The following KCNG1 variants were observed in gnomAD, a reference collection of about 807,000 sequenced individuals.
The protein encoded by KCNG1 is potassium voltage-gated channel modifier subfamily G member 1, also known as voltage-gated potassium channel regulatory subunit KCNG1.
In KCNG1, 17 loss-of-function variants were observed where a neutral mutation model predicts 32.4. That is an observed-to-expected ratio of 0.52 (90% CI 0.36 to 0.79). The LOEUF is 0.79. KCNG1 is among the 30% of genes least tolerant of loss of function. The pLI is 0.00. For synonymous variants in KCNG1, 358 were observed against 339.9 expected (o/e 1.05, Z -0.59); for missense variants, 441 against 735.2 (o/e 0.60, Z 4.63).
chr20:51,003,940 A>G lies in KCNG1; in HGVS notation c.*99T>C, dbSNP rs1221589582. The G allele has an allele frequency of 2.9e-6, 4 of 1,366,000 alleles. No individual in the cohort carries two copies. The highest frequency in any genetic ancestry group is 3.0e-6 in the Non-Finnish European group (3 of 994,940). 84.6% of individuals were successfully genotyped at this position (1,366,000 alleles called of 1,614,324 possible). A position where few individuals can be genotyped will look rare whatever the true frequency, so the allele number is the denominator to read the frequency against. The stretch of plus-strand genomic sequence containing the variant: ...GCGTGGGAGTCGGTGCTGCGCCAGG[A>G]CTGCACTCGGAAGCGGCCTGTCCCT... On this transcript the variant is annotated 3_prime_UTR_variant, in exon 3 of 3. Coordinates refer to ENST00000371571, the MANE Select transcript of KCNG1 (RefSeq NM_002237.4).
intron 1 of KCNG1, among the ~76,000 whole-genome samples, chr20:51,013,030 G>A (rs530411206): frequency 2.0e-5 from 3 of 151,380 alleles, no homozygotes; most frequent in Admixed American, 2.0e-4. Context: ...TCGACCGGGT[G>A]CGGTGGCTCA....
intron 2 of KCNG1, chr20:51,006,361 C>G (rs1236330495): frequency 2.0e-5 from 3 of 152,208 alleles, no homozygotes; most frequent in Non-Finnish European, 4.4e-5. Flanking sequence ...AAATCACGAT[C>G]AAAGATGTTG....
chr20:51,005,432 A>G lies in KCNG1; in HGVS notation c.775-626T>C, dbSNP rs1446656757. ...TGCTTAGCACCCTCCACGGCTCCCG[A>G]TGGACTGTGAGGAATAGTCTTGTTC... On this transcript the variant is annotated intron_variant, in intron 2 of 2. Coordinates refer to ENST00000371571, the MANE Select transcript of KCNG1 (RefSeq NM_002237.4). The surrounding 1 kb of genome is among the most constrained non-coding windows in gnomAD (Gnocchi z 4.0). 1 of 152,184 alleles carries G rather than the reference A, an allele frequency of 6.6e-6. No individual in the cohort carries two copies. The allele number at this position is 152,184 out of a possible 1,614,324, so 9.4% of individuals were successfully genotyped here.
intron 2 of KCNG1, chr20:51,007,373 A>T (rs1987869604): frequency 6.6e-6 from 1 of 151,998 alleles, no homozygotes. Context: ...TTTAGCAGAG[A>T]TGGGGTTTTG....
chr20:51,006,827 C>G (rs1987847899), intron 2 of KCNG1: 2 of 152,250 alleles, frequency 1.3e-5, no homozygotes. Context: ...CCACCGCACC[C>G]AGCCCCAATC....
chr20:51,017,828 G>A (rs1988334712), intron 1 of KCNG1, among the ~76,000 whole-genome samples: 2 of 152,180 alleles, frequency 1.3e-5, no homozygotes, highest in South Asian at 4.1e-4. Flanking sequence ...CAATCTCCTA[G>A]AGGCTCTGGA....
intron 1 of KCNG1, among the ~76,000 whole-genome samples, chr20:51,011,455 T>C (rs1465699206): frequency 6.6e-6 from 1 of 152,178 alleles, no homozygotes; most frequent in African/African-American, 2.4e-5. Flanking sequence ...GCATTTTTGC[T>C]GGTCATGACT....
intron 1 of KCNG1, among the ~76,000 whole-genome samples, chr20:51,018,831 C>A (rs1401703012): frequency 6.6e-6 from 1 of 152,202 alleles, no homozygotes. Flanking sequence ...ACCTCTTTGA[C>A]CCCTGCCTTT....
chr20:51,010,285 G>A lies in KCNG1; in HGVS notation c.54C>T (p.Cys18=). ...CCGGGTGGAAGGAGGCGTCCGAGGT[G>A]CAGCTCAGCGCGCTGTAGTCGTAGT... is the stretch of plus-strand genomic sequence containing the variant. The part of the protein sequence containing the change: ...NSDYDYSALS[C]TSDASFHPAF... The change falls in exon 2 of 3, where the codon TGC becomes TGT. Residue 18 remains cysteine (C), a synonymous_variant. Transcript: ENST00000371571. 2.6e-6 allele frequency: 4 copies of A among 1,518,278 alleles called. No individual in the cohort carries two copies. Among genetic ancestry groups the A allele is most frequent in the Non-Finnish European group, 3.5e-6 (4 of 1,143,432 alleles). 94.1% of individuals were successfully genotyped at this position (1,518,278 alleles called of 1,614,324 possible).
Position 51,009,709 on chromosome 20 carries a change from C to A in KCNG1, c.630G>T (p.Met210Ile). ...TCTCCACCATGTCGCGCAGTCGCCGCATGCAGCGCCCCAGGCGGCCCTCGC... is the reference window on the plus strand; with the variant it reads ...TCTCCACCATGTCGCGCAGTCGCCGAATGCAGCGCCCCAGGCGGCCCTCGC... ...AEGEGRLGRC[M>I]RRLRDMVERP... The change falls in exon 2 of 3, where the codon ATG becomes ATT. Residue 210 changes from methionine (M) to isoleucine (I), a missense_variant. Transcript: ENST00000371571. 3.1e-6 allele frequency: 5 copies of A among 1,604,432 alleles called. No individual in the cohort carries two copies. The highest frequency in any genetic ancestry group is 4.2e-6 in the Non-Finnish European group (5 of 1,178,164).
rs748151012 is a variant in KCNG1 at position 51,009,676 on chromosome 20, G to T, written c.663C>A (p.His221Gln). 1 of 1,605,648 alleles carries T rather than the reference G, an allele frequency of 6.2e-7. No homozygotes were observed. The highest frequency in any genetic ancestry group is 1.7e-5 in the Admixed American group (1 of 59,908). Residue 221 changes from histidine to glutamine, a missense_variant, in exon 2 of 3, where the codon CAC becomes CAA. Physicochemically the swap from His to Gln is conservative, Grantham distance 24. This residue lies in a region of KCNG1 where 169 missense variants were observed against 297.7 expected (regional missense o/e 0.57). Coordinates refer to ENST00000371571, the MANE Select transcript of KCNG1 (RefSeq NM_002237.4). ...CGAACACCTTGCCAGGCAGCCCCGA[G>T]TGCGGCCTCTCCACCATGTCGCGCA... Reference protein sequence around the residue: ...RRLRDMVERPHSGLPGKVFAC... With the variant: ...RRLRDMVERPQSGLPGKVFAC...
intron 1 of KCNG1, among the ~76,000 whole-genome samples, chr20:51,020,377 A>T (rs1350051850): frequency 6.6e-6 from 1 of 152,078 alleles, no homozygotes; most frequent in East Asian, 1.9e-4. Context: ...GGAGAGCATG[A>T]TCGGACCTGC....
chr20:51,005,826 G>A lies in KCNG1; in HGVS notation c.775-1020C>T, dbSNP rs1174292605. On this transcript the variant is annotated intron_variant, in intron 2 of 2. Transcript: ENST00000371571. This position sits in a 1 kb window ranked among gnomAD's most constrained non-coding sequence, Gnocchi z 4.0. ...AGCCTGGGGCATCTTGGAGGTTCTGGGGCACAGCTGAGTTCTACAAGTCCC... is the reference window on the plus strand; with the variant it reads ...AGCCTGGGGCATCTTGGAGGTTCTGAGGCACAGCTGAGTTCTACAAGTCCC... 1.3e-5 allele frequency: 2 copies of A among 152,252 alleles called. No homozygotes were observed. The highest frequency in any genetic ancestry group is 2.9e-5 in the Non-Finnish European group (2 of 68,102). The allele number at this position is 152,252 out of a possible 1,614,324, so 9.4% of individuals were successfully genotyped here. A position where few individuals can be genotyped will look rare whatever the true frequency, so the allele number is the denominator to read the frequency against.
At position 51,015,390 on chromosome 20, in the gene KCNG1, A is replaced by G. The variant is rs554226877; in HGVS notation, c.-26-5026T>C. 6.6e-6 allele frequency among the ~76,000 whole-genome samples: 1 copy of G among 152,290 alleles called. No homozygotes were observed. Among genetic ancestry groups the G allele is most frequent in the Admixed American group, 6.5e-5 (1 of 15,302 alleles). On this transcript the variant is annotated intron_variant, in intron 1 of 2. Coordinates refer to ENST00000371571, the MANE Select transcript of KCNG1 (RefSeq NM_002237.4). This position sits in a 1 kb window ranked among gnomAD's most constrained non-coding sequence, Gnocchi z 4.4. Reference sequence around the variant, plus strand: ...ACAGAAGAAGCAGCTGGCAAAATCCAGGAGAGAGGGGGGAGATGGGTGTCT... The same window carrying G: ...ACAGAAGAAGCAGCTGGCAAAATCCGGGAGAGAGGGGGGAGATGGGTGTCT...
rs1054268 is a variant in KCNG1, at chr20:51,004,246, G to T, written c.1335C>A (p.Ile445=). Residue 445 remains isoleucine (I), a synonymous_variant, in exon 3 of 3, where the codon ATC becomes ATA. Coordinates refer to ENST00000371571, the MANE Select transcript of KCNG1 (RefSeq NM_002237.4). This position sits in a 1 kb window ranked among gnomAD's most constrained non-coding sequence, Gnocchi z 4.3. ...TPGQVVALSS[I]LSGILLMAFP... ...AGGCCATGAGCAGGATGCCGCTCAGGATGCTGCTCAGGGCCACTACCTGGC... is the reference window on the plus strand; with the variant it reads ...AGGCCATGAGCAGGATGCCGCTCAGTATGCTGCTCAGGGCCACTACCTGGC... The T allele has an allele frequency of 0.8, 1,293,481 of 1,613,758 alleles. 527,111 individuals are homozygous for T. Among genetic ancestry groups the T allele is most frequent in the Non-Finnish European group, 0.84 (989,504 of 1,179,914 alleles).
rs1987980757 is a variant in KCNG1 at position 51,009,640 on chromosome 20, C to G, written c.699G>C (p.Ser233=). The G allele has an allele frequency of 1.2e-6, 2 of 1,609,834 alleles. No homozygotes were observed. The highest frequency in any genetic ancestry group is 2.7e-5 in the African/African-American group (2 of 74,908). The change falls in exon 2 of 3, where the codon TCG becomes TCC. Residue 233 remains serine, a synonymous_variant. Transcript: ENST00000371571. The part of the protein sequence containing the change: ...GLPGKVFACL[S]VLFVTVTAVN... ...CGGCGGTGACGGTCACGAAGAGCACCGACAGGCAGGCGAACACCTTGCCAG... is the reference window on the plus strand; with the variant it reads ...CGGCGGTGACGGTCACGAAGAGCACGGACAGGCAGGCGAACACCTTGCCAG...
In KCNG1 at chr20:51,005,112, G is replaced by T; in HGVS notation, c.775-306C>A. On this transcript the variant is annotated intron_variant, in intron 2 of 2. Transcript: ENST00000371571. This position sits in a 1 kb window ranked among gnomAD's most constrained non-coding sequence, Gnocchi z 4.0. ...GAGGGGCATCTCGAACTCACCATGG[G>T]ATCCTGGTTTCCTCTGCCCACTGGT... 3.3e-6 allele frequency: 1 copy of T among 300,068 alleles called. No homozygotes were observed. Among genetic ancestry groups the T allele is most frequent in the Non-Finnish European group, 6.1e-6 (1 of 163,972 alleles). 18.6% of individuals were successfully genotyped at this position (300,068 alleles called of 1,614,324 possible). A position where few individuals can be genotyped will look rare whatever the true frequency, so the allele number is the denominator to read the frequency against.
rs1190416165 is a variant in KCNG1 at position 51,004,607 on chromosome 20, C to T, written c.974G>A (p.Arg325His). 4 of 1,581,610 alleles carry T rather than the reference C, an allele frequency of 2.5e-6. No individual in the cohort carries two copies. Among genetic ancestry groups the T allele is most frequent in the Non-Finnish European group, 1.7e-6 (2 of 1,163,566 alleles). Residue 325 changes from arginine to histidine, a missense_variant, in exon 3 of 3, where the codon CGT becomes CAT. By Grantham distance (29) the Arg-to-His change is conservative. Transcript: ENST00000371571. The surrounding 1 kb of genome is among the most constrained non-coding windows in gnomAD (Gnocchi z 4.3). ...GCTGTTGCCCGCGCCGGGCTTGCGA[C>T]GGCCTGCGGCGGCGCCGTCCACCAG... ...TLLVDGAAAG[R>H]RKPGAGNSYL...
At chr20:51,016,258 G>A (rs1254898141) in intron 1 of KCNG1, among the ~76,000 whole-genome samples, 1 of 152,084 alleles carries the variant, frequency 6.6e-6, no homozygotes. Context: ...CCAACATGGT[G>A]CAACCCCATC....
Sources: gnomAD v4.1 joint callset for allele counts (sites outside exome capture counted in the v4.1 genomes callset) on GRCh38, gnomAD v4.1.1 for gene constraint, gnomAD v4.1.1 regional missense constraint, Gnocchi (gnomAD v3.1) non-coding constraint, MANE v1.5 for transcripts, NCBI Gene and HGNC (gene_info 2026-07-23, HGNC 2026-07-21) for gene names.